XXYLT1: variants seen among roughly 807,000 people sequenced by gnomAD.
The protein encoded by XXYLT1 is xyloside xylosyltransferase 1.
In XXYLT1, 20 loss-of-function variants were observed where a neutral mutation model predicts 28.9. That is an observed-to-expected ratio of 0.69 (90% CI 0.49 to 1.00). The LOEUF (loss-of-function observed/expected upper bound fraction) is 1.00, where lower values mean the gene tolerates loss of function less well. XXYLT1 is among the 50% of genes least tolerant of loss of function. The probability of loss-of-function intolerance (pLI) is 0.00; values close to 1 mark genes in which losing one functional copy is unlikely to be tolerated. For synonymous variants in XXYLT1, 257 were observed against 253.8 expected, an observed-to-expected ratio of 1.01 and a Z score of -0.12; for missense variants, 542 against 560.1, an observed-to-expected ratio of 0.97 and a Z score of 0.33.
At chr3:195,111,284 G>A (rs879303784) in intron 3 of XXYLT1, among the ~76,000 whole-genome samples, 3 of 152,234 alleles carry the variant, frequency 2.0e-5, no homozygotes, top group South Asian at 2.1e-4. Flanking sequence ...GATTAGGCTC[G>A]ACCATGAGGA....
chr3:195,102,412 C>T (rs1716842134), intron 3 of XXYLT1, among the ~76,000 whole-genome samples: 1 of 152,206 alleles, frequency 6.6e-6, no homozygotes, highest in African/African-American at 2.4e-5. Context: ...GCTGTATCCC[C>T]TGACTGGTAT....
intron 2 of XXYLT1, chr3:195,175,896 A>G (rs1039590309): frequency 2.3e-6 from 2 of 878,856 alleles, no homozygotes; most frequent in Non-Finnish European, 2.9e-6. Flanking sequence ...TGTGGGAAAG[A>G]AAAAAAAAAA....
chr3:195,228,936 C>G (rs145783299), intron 1 of XXYLT1, among the ~76,000 whole-genome samples: 60 of 151,950 alleles, frequency 3.9e-4, no homozygotes, highest in African/African-American at 1.3e-3. Flanking sequence ...CCTGAGCCTC[C>G]CAAATAGCTG....
At chr3:195,225,211 T>C (rs898524333) in intron 2 of XXYLT1, among the ~76,000 whole-genome samples, 1 of 152,122 alleles carries the variant, frequency 6.6e-6, no homozygotes, top group Admixed American at 6.5e-5. Context: ...TGCTAGATCT[T>C]CACCCTAGGC....
chr3:195,157,414 G>A (rs1720659712), intron 2 of XXYLT1, among the ~76,000 whole-genome samples: 1 of 152,130 alleles, frequency 6.6e-6, no homozygotes, highest in Non-Finnish European at 1.5e-5. Context: ...TGACCAGAGC[G>A]AAACGGCTGA....
chr3:195,156,260 C>T (rs113736549), intron 3 of XXYLT1, among the ~76,000 whole-genome samples, 189 bp downstream of exon 3: 122 of 152,356 alleles, frequency 8.0e-4, no homozygotes, highest in African/African-American at 2.8e-3. Context: ...TGAGGTAGCA[C>T]CTACGGCTTG....
Position 195,257,509 on chromosome 3 carries a change from C to G in XXYLT1, c.504+13046G>C, listed in dbSNP as rs976270561. ...GATGAAGATGGGAGGAATGGGTGAT[C>G]CGGGGAAGAAGCCCCTGAGCAAAGT... On this transcript the variant is annotated intron_variant, in intron 1 of 3. Coordinates refer to ENST00000310380, the MANE Select transcript of XXYLT1 (RefSeq NM_152531.5). This position sits in a 1 kb window ranked among gnomAD's most constrained non-coding sequence, Gnocchi z 4.3. 1.3e-5 allele frequency among the ~76,000 whole-genome samples: 2 copies of G among 152,156 alleles called. No homozygotes were observed. The highest frequency in any genetic ancestry group is 1.5e-5 in the Non-Finnish European group (1 of 68,008).
chr3:195,267,206 C>T (rs772636143), intron 1 of XXYLT1, among the ~76,000 whole-genome samples: 2 of 152,240 alleles, frequency 1.3e-5, no homozygotes, highest in Non-Finnish European at 2.9e-5. Context: ...TCACTGTGGC[C>T]CTGCTCTGCA....
At chr3:195,161,917 C>T (rs1467579175) in intron 2 of XXYLT1, among the ~76,000 whole-genome samples, 1 of 151,866 alleles carries the variant, frequency 6.6e-6, no homozygotes, top group East Asian at 1.9e-4. Flanking sequence ...CACGCCCAGC[C>T]CTGAGATTAA....
Position 195,180,368 on chromosome 3 carries a change from C to A in XXYLT1, c.653-23787G>T. 1 of 985,280 alleles carries A rather than the reference C, an allele frequency of 1.0e-6. No individual in the cohort carries two copies. The highest frequency in any genetic ancestry group is 1.2e-6 in the Non-Finnish European group (1 of 830,010). The allele number at this position is 985,280 out of a possible 1,614,324, so 61.0% of individuals were successfully genotyped here. A position where few individuals can be genotyped will look rare whatever the true frequency, so the allele number is the denominator to read the frequency against. On this transcript the variant is annotated intron_variant, in intron 2 of 3. Coordinates refer to ENST00000310380, the MANE Select transcript of XXYLT1 (RefSeq NM_152531.5). The surrounding 1 kb of genome is among the most constrained non-coding windows in gnomAD (Gnocchi z 5.8). ...AGGTCTGGATGGTTTATCCCCCTGG[C>A]CCGCCTGGCCCTCAAGACACACTTC...
intron 3 of XXYLT1, among the ~76,000 whole-genome samples, chr3:195,109,631 CTGTGTGGTG>C (rs1454354610): frequency 8.7e-5 from 6 of 68,942 alleles, no homozygotes; most frequent in African/African-American, 2.1e-4. Flanking sequence ...TGTGTGGTGT[CTGTGTGGTG>C]TGTGTGGTGT....
In XXYLT1 at chr3:195,097,044, C is replaced by T. The variant is rs182718821; in HGVS notation, c.786-26933G>A. On this transcript the variant is annotated intron_variant, in intron 3 of 3. Transcript: ENST00000310380. ...ATTCCCGCCCAGCAGACCCCTCAGA[C>T]GGGCTCCCCTGGCGTCCCTCTGCTG... 3.2e-3 allele frequency among the ~76,000 whole-genome samples: 495 copies of T among 152,346 alleles called. 3 individuals carry two copies. The highest frequency in any genetic ancestry group is 0.011 in the African/African-American group (475 of 41,584).
intron 3 of XXYLT1, chr3:195,093,626 C>T (rs934588376): frequency 3.3e-5 from 5 of 151,424 alleles, no homozygotes; most frequent in Admixed American, 3.3e-4. Flanking sequence ...CACATGTATA[C>T]ATATGTAACT....
rs1178781982 is a variant in XXYLT1, at chr3:195,117,589, T to C, written c.785+38860A>G. Among the ~76,000 whole-genome samples the C allele has an allele frequency of 2.0e-5, 3 of 152,282 alleles. No individual in the cohort carries two copies. In the East Asian group the frequency reaches 5.8e-4, roughly 29 times the overall value. ...GATTCCAAGTTATTAAATGAGTTAT[T>C]TGGTGTGGAGTAGGGGTCGGGGTAG... On this transcript the variant is annotated intron_variant, in intron 3 of 3. Transcript: ENST00000310380.
intron 3 of XXYLT1, among the ~76,000 whole-genome samples, chr3:195,110,289 G>A (rs1030895207): frequency 0.18 from 264 of 1,466 alleles, 21 homozygotes; most frequent in African/African-American, 0.33. Flanking sequence ...TGGGGTGTAT[G>A]TGTGCGTGTG....
chr3:195,228,247 C>G (rs1339239248), intron 1 of XXYLT1, among the ~76,000 whole-genome samples: 1 of 150,956 alleles, frequency 6.6e-6, no homozygotes, highest in Non-Finnish European at 1.5e-5. Flanking sequence ...ACGTGAACCC[C>G]TGACTGCCCT....
intron 1 of XXYLT1, among the ~76,000 whole-genome samples, chr3:195,235,666 G>A (rs1724504125): frequency 6.6e-6 from 1 of 152,124 alleles, no homozygotes; most frequent in South Asian, 2.1e-4. Context: ...TCTTGGGGAG[G>A]CTTTCCAGGT....
chr3:195,110,637 GATGTA>G (rs1472343679), intron 3 of XXYLT1, among the ~76,000 whole-genome samples: 57 of 15,058 alleles, frequency 3.8e-3, no homozygotes, highest in Admixed American at 8.4e-3. Context: ...TGTGGTGTGT[GATGTA>G]TAAGTGTGTG....
At chr3:195,260,953 G>A (rs2108854170) in intron 1 of XXYLT1, among the ~76,000 whole-genome samples, 2 of 152,276 alleles carry the variant, frequency 1.3e-5, no homozygotes, top group East Asian at 3.9e-4. Flanking sequence ...ATTGTCAGGT[G>A]GGCTACAGCC....
Sources: gnomAD v4.1 joint callset for allele counts (sites outside exome capture counted in the v4.1 genomes callset) on GRCh38, gnomAD v4.1.1 for gene constraint, Gnocchi (gnomAD v3.1) non-coding constraint, MANE v1.5 for transcripts, NCBI Gene and HGNC (gene_info 2026-07-23, HGNC 2026-07-21) for gene names.